ITLN1: variants seen among roughly 807,000 people sequenced by gnomAD.
The protein encoded by ITLN1 is intelectin-1.
ITLN1 carries 29 observed loss-of-function variants against 36.2 expected under a neutral mutation model. The ratio of observed to expected loss-of-function variants is 0.80; its 90% CI spans 0.60 to 1.09. ITLN1 has a LOEUF of 1.09. ITLN1 is among the 50% of genes least tolerant of loss of function. ITLN1 has a pLI of 0.00. For missense variants in ITLN1, 358 were observed against 405.2 expected (o/e 0.88, Z 1.00); for synonymous variants, 143 against 146.5 (o/e 0.98, Z 0.17).
At chr1:160,881,433 C>G in intron 4 of ITLN1, 121 bp from the exon 5 acceptor site, 1 of 1,124,090 alleles carries the variant, frequency 8.9e-7, no homozygotes, top group East Asian at 2.7e-5. Context: ...GATGGCCAAC[C>G]ATACTCAGAC....
chr1:160,876,896 G>T, intron 7 of ITLN1, 80 bp from the exon 8 acceptor site: 1 of 1,416,472 alleles, frequency 7.1e-7, no homozygotes, highest in Non-Finnish European at 9.8e-7. Context: ...TGAATCCAGT[G>T]ATTTCTTTGG....
chr1:160,881,141 C>A lies in ITLN1; in HGVS notation c.564+13G>T. The A allele has an allele frequency of 6.3e-7, 1 of 1,589,800 alleles. No homozygotes were observed. ...ACCCATGAAAACCAGTCCCAGCCAG[C>A]AGCCTTCTGTACCTGGTAGATGCCA... On this transcript the variant is annotated intron_variant, in intron 5 of 7. Transcript: ENST00000326245.
chr1:160,881,626 T>C (rs745634306), intron 4 of ITLN1: 46 of 486,990 alleles, frequency 9.4e-5, no homozygotes, highest in South Asian at 4.4e-4. Flanking sequence ...CTGGCCAACA[T>C]GGTGAAACCC....
rs1368544781 is a variant in ITLN1, at chr1:160,882,098, A to G, written c.264T>C (p.Asn88=). 4 of 1,614,164 alleles carry G rather than the reference A, an allele frequency of 2.5e-6. No individual in the cohort carries two copies. The highest frequency in any genetic ancestry group is 3.4e-6 in the Non-Finnish European group (4 of 1,180,026). ...CCACCGTGCACTTCCCACGCATGTC[A>G]TTCTCGTGCACGCTGGCCACCAGGG... ...GWTLVASVHE[N]DMRGKCTVGD... The change falls in exon 4 of 8, where the codon AAT becomes AAC. Residue 88 remains asparagine (N), a synonymous_variant. Coordinates refer to ENST00000326245, the MANE Select transcript of ITLN1 (RefSeq NM_017625.3).
intron 2 of ITLN1, 24 bp from the exon 3 acceptor site, chr1:160,883,550 C>A: frequency 6.6e-7 from 1 of 1,524,240 alleles, no homozygotes; most frequent in Non-Finnish European, 9.1e-7. Flanking sequence ...AGGGTTTATT[C>A]TCATTCCCGG....
chr1:160,876,724 A>G lies in ITLN1; in HGVS notation c.882T>C (p.His294=). 6.2e-7 allele frequency: 1 copy of G among 1,614,214 alleles called. No individual in the cohort carries two copies. The highest frequency in any genetic ancestry group is 1.1e-5 in the South Asian group (1 of 91,084). The part of the protein sequence containing the change: ...SGFDWSGYGT[H]VGYSSSREIT... ...TCTCACGGCTGCTGCTGTAACCAAC[A>G]TGAGTTCCATATCCACTCCAATCAA... Residue 294 remains histidine (H), a synonymous_variant, in exon 8 of 8, where the codon CAT becomes CAC. Coordinates refer to ENST00000326245, the MANE Select transcript of ITLN1 (RefSeq NM_017625.3).
chr1:160,884,843 G>A lies in ITLN1; in HGVS notation c.35C>T (p.Ala12Val), dbSNP rs201799346. The change falls in exon 2 of 8, where the codon GCG becomes GTG. Residue 12 changes from alanine (A) to valine (V), a missense_variant. By Grantham distance (64) the Ala-to-Val change is moderately conservative (BLOSUM62 0). Transcript: ENST00000326245. Reference sequence around the variant, plus strand: ...ACCTGTACTCCATCCTCTGGTGGTCGCTATGAGAAACAGCAGGAAGCTGAG... The same window carrying A: ...ACCTGTACTCCATCCTCTGGTGGTCACTATGAGAAACAGCAGGAAGCTGAG... ...NQLSFLLFLI[A>V]TTRGWSTDEA... 15 of 1,612,742 alleles carry A rather than the reference G, an allele frequency of 9.3e-6. No homozygotes were observed. In the Admixed American group the frequency reaches 1.5e-4, roughly 16 times the overall value.
intron 7 of ITLN1, 135 bp from the exon 8 acceptor site, chr1:160,876,951 T>C (rs182312422): frequency 1.1e-6 from 1 of 915,052 alleles, no homozygotes; most frequent in East Asian, 2.7e-5. Context: ...ATTCTTCCCA[T>C]AAAAACCTCT....
chr1:160,884,506 A>G (rs1440760637), intron 2 of ITLN1, among the ~76,000 whole-genome samples: 1 of 152,214 alleles, frequency 6.6e-6, no homozygotes, highest in Non-Finnish European at 1.5e-5. Flanking sequence ...CTCCAGGCAC[A>G]AAGCAGACCA....
At chr1:160,883,179 T>C (rs1670707570) in intron 3 of ITLN1, among the ~76,000 whole-genome samples, 1 of 152,166 alleles carries the variant, frequency 6.6e-6, no homozygotes, top group Admixed American at 6.6e-5. Context: ...CTCCATGTTA[T>C]TAAGTACAGA....
rs1022786885 is a variant in ITLN1, at chr1:160,880,651, G to A, written c.622C>T (p.Pro208Ser). Reference sequence around the variant, plus strand: ...GCGTCGCCAAAATCATAGACCACAGGGATCACCGGGCCGTTGTCAGTCCAA... The same window carrying A: ...GCGTCGCCAAAATCATAGACCACAGAGATCACCGGGCCGTTGTCAGTCCAA... The part of the protein sequence containing the change: ...KCWTDNGPVI[P>S]VVYDFGDAQK... The change falls in exon 6 of 8, where the codon CCT (proline) becomes TCT (serine). Residue 208 changes from proline (P) to serine (S), a missense_variant. Pro to Ser is a moderately conservative substitution (Grantham distance 74). Coordinates refer to ENST00000326245, the MANE Select transcript of ITLN1 (RefSeq NM_017625.3). The A allele has an allele frequency of 6.2e-7, 1 of 1,613,966 alleles. No homozygotes were observed. The highest frequency in any genetic ancestry group is 8.5e-7 in the Non-Finnish European group (1 of 1,179,902).
intron 7 of ITLN1, among the ~76,000 whole-genome samples, chr1:160,878,005 C>T (rs1324180878): frequency 6.6e-6 from 1 of 152,152 alleles, no homozygotes; most frequent in African/African-American, 2.4e-5. Context: ...CCCATCTCTA[C>T]TAAAACTACA....
At chr1:160,883,104 C>T (rs1208352884) in intron 3 of ITLN1, among the ~76,000 whole-genome samples, 2 of 152,114 alleles carry the variant, frequency 1.3e-5, no homozygotes, top group African/African-American at 4.8e-5. Flanking sequence ...CTGGCCTCAA[C>T]TGATCCACCC....
chr1:160,883,628 G>T, intron 2 of ITLN1, 102 bp from the exon 3 acceptor site: 1 of 782,274 alleles, frequency 1.3e-6, no homozygotes, highest in Non-Finnish European at 2.2e-6. Context: ...GCAGAACCTC[G>T]CTGCCCGGGT....
intron 7 of ITLN1, 129 bp downstream of exon 7, chr1:160,879,182 G>A (rs185645438): frequency 1.4e-5 from 10 of 728,072 alleles, no homozygotes; most frequent in Middle Eastern, 7.5e-4. Context: ...ATGAGCAAGA[G>A]AAGGTCACAC....
In ITLN1 at chr1:160,881,978, C is replaced by T. The variant is rs147862456; in HGVS notation, c.384G>A (p.Ala128=). The T allele has an allele frequency of 2.3e-4, 365 of 1,614,128 alleles. 1 individual carries two copies. The African/African-American group carries it at 3.1e-3, about 14-fold the overall frequency. The change falls in exon 4 of 8, where the codon GCG becomes GCA. Residue 128 remains alanine, a synonymous_variant. Transcript: ENST00000326245. ...ANYNTFGSAE[A]ATSDDYKNPG... ...CAACCTTGTAGTCATCGCTCGTGGCCGCCTCTGCAGATCCAAAGGTGTTGT... is the reference window on the plus strand; with the variant it reads ...CAACCTTGTAGTCATCGCTCGTGGCTGCCTCTGCAGATCCAAAGGTGTTGT...
At position 160,879,304 on chromosome 1, in the gene ITLN1, GA is replaced by G. The variant is rs1670641031; in HGVS notation, c.789+6del. 6.2e-7 allele frequency: 1 copy of G among 1,608,832 alleles called. No homozygotes were observed. The highest frequency in any genetic ancestry group is 8.5e-7 in the Non-Finnish European group (1 of 1,175,204). On this transcript the variant is annotated splice_donor_region_variant and intron_variant, in intron 7 of 7. Coordinates refer to ENST00000326245, the MANE Select transcript of ITLN1 (RefSeq NM_017625.3). ...CACAGGTCCCTGCAGTCCCCACAGA[GA>G]CTCACGTGCTCAGTGTTACATCCGG... is the stretch of plus-strand genomic sequence containing the variant.
chr1:160,879,193 T>A, intron 7 of ITLN1, 118 bp downstream of exon 7: 1 of 782,324 alleles, frequency 1.3e-6, no homozygotes, highest in Non-Finnish European at 2.2e-6. Context: ...AAGGTCACAC[T>A]CCCACACACG....
chr1:160,876,794 T>C lies in ITLN1; in HGVS notation c.812A>G (p.Tyr271Cys), dbSNP rs1328984428. ...CTGCTGGGGACTGGCCTCTGGAAAG[T>C]ATCCTCCTCCACCAATGCAGTGCTG... is the stretch of plus-strand genomic sequence containing the variant. ...TEHHCIGGGG[Y>C]FPEASPQQCG... The change falls in exon 8 of 8, where the codon TAC becomes TGC. Residue 271 changes from tyrosine to cysteine, a missense_variant. Physicochemically the swap from Tyr to Cys is radical, Grantham distance 194 (BLOSUM62 -2). Transcript: ENST00000326245. The C allele has an allele frequency of 3.1e-6, 5 of 1,614,184 alleles. No homozygotes were observed. Among genetic ancestry groups the C allele is most frequent in the Middle Eastern group, 3.3e-4 (2 of 6,060 alleles).
Sources: allele counts gnomAD v4.1 joint callset (sites outside exome capture counted in the v4.1 genomes callset), GRCh38; gene constraint gnomAD v4.1.1; transcripts MANE v1.5; gene names NCBI Gene and HGNC (gene_info 2026-07-23, HGNC 2026-07-21).